SLC6A13: variants seen among roughly 807,000 people sequenced by gnomAD.
SLC6A13 encodes sodium- and chloride-dependent GABA transporter 2.
A neutral mutation model predicts 72.9 loss-of-function variants in SLC6A13; 69 were observed. That is an observed-to-expected ratio of 0.95 (90% CI 0.78 to 1.16). SLC6A13 has a LOEUF of 1.16. SLC6A13 is among the 50% of genes most tolerant of loss of function. SLC6A13 has a pLI of 0.00. For missense variants in SLC6A13, 735 were observed against 760.5 expected (o/e 0.97, Z 0.39); for synonymous variants, 303 against 303.0 (o/e 1.00, Z 0.00).
intron 8 of SLC6A13, 110 bp downstream of exon 8, chr12:227,455 G>T (rs1941508475): frequency 3.9e-6 from 6 of 1,542,510 alleles, no homozygotes; most frequent in Admixed American, 3.9e-5. Context: ...GTGTAGACAG[G>T]GGGGCAGATC....
chr12:229,156 G>A (rs138146640), intron 7 of SLC6A13, among the ~76,000 whole-genome samples: 1 of 152,314 alleles, frequency 6.6e-6, no homozygotes, highest in East Asian at 1.9e-4. Flanking sequence ...GGAGGGGCTG[G>A]AGCCAGGGAG....
intron 2 of SLC6A13, among the ~76,000 whole-genome samples, chr12:246,837 G>A (rs1942367977): frequency 6.6e-6 from 1 of 152,000 alleles, no homozygotes; most frequent in Admixed American, 6.6e-5. Context: ...GTGAAACCCT[G>A]TCTCTACTAA....
Position 237,652 on chromosome 12 carries a change from G to A in SLC6A13, c.563+274C>T, listed in dbSNP as rs117349749. The stretch of plus-strand genomic sequence containing the variant: ...CACACTCTTGCAGCCACAGGGAGGA[G>A]GAAGTGCGGAGTGAGAGCACATATG... On this transcript the variant is annotated intron_variant, in intron 5 of 14. Transcript: ENST00000343164. 2.4e-3 allele frequency among the ~76,000 whole-genome samples: 370 copies of A among 152,268 alleles called. 7 individuals carry two copies. In the East Asian group the frequency reaches 0.057, roughly 23 times the overall value.
intron 2 of SLC6A13, among the ~76,000 whole-genome samples, chr12:257,809 G>A (rs1309957466): frequency 2.0e-5 from 3 of 152,150 alleles, no homozygotes; most frequent in Admixed American, 1.3e-4. Flanking sequence ...TGTCAGCCCA[G>A]TGCTTTGCAT....
Position 224,514 on chromosome 12 carries a change from C to G in SLC6A13, c.1061-1G>C. 6.2e-7 allele frequency: 1 copy of G among 1,613,444 alleles called. No individual in the cohort carries two copies. The highest frequency in any genetic ancestry group is 8.5e-7 in the Non-Finnish European group (1 of 1,179,482). The stretch of plus-strand genomic sequence containing the variant: ...TAAGCGATGAAAGCCAGGCCAGGGC[C>G]TACGACAAGGAGCAGAGGAACACGG... On this transcript the variant is annotated splice_acceptor_variant, in intron 9 of 14. Coordinates refer to ENST00000343164, the MANE Select transcript of SLC6A13 (RefSeq NM_016615.5). LOFTEE classifies it high-confidence loss of function.
rs1461285296 is a variant in SLC6A13, at chr12:222,286, A to C, written c.1515+246T>G. On this transcript the variant is annotated intron_variant, in intron 13 of 14. Coordinates refer to ENST00000343164, the MANE Select transcript of SLC6A13 (RefSeq NM_016615.5). ...GGTTTCAGTCCTGGCCTGTGACGTTAGACTCACACTGTGGTGTTGGTCAAA... is the reference window on the plus strand; with the variant it reads ...GGTTTCAGTCCTGGCCTGTGACGTTCGACTCACACTGTGGTGTTGGTCAAA... 2.6e-5 allele frequency among the ~76,000 whole-genome samples: 4 copies of C among 152,252 alleles called. No individual in the cohort carries two copies. In the East Asian group the frequency reaches 7.7e-4, roughly 29 times the overall value.
chr12:253,083 C>A (rs1353682675), intron 2 of SLC6A13, among the ~76,000 whole-genome samples: 1 of 152,206 alleles, frequency 6.6e-6, no homozygotes, highest in Non-Finnish European at 1.5e-5. Flanking sequence ...TTCACAGTAA[C>A]CTGCACCCCC....
At chr12:249,584 A>G (rs1942468113) in intron 2 of SLC6A13, among the ~76,000 whole-genome samples, 1 of 152,164 alleles carries the variant, frequency 6.6e-6, no homozygotes, top group Non-Finnish European at 1.5e-5. Flanking sequence ...GAATAGCCCT[A>G]TAACTATTAA....
chr12:238,486 G>A (rs1049243859), intron 4 of SLC6A13: 7 of 442,738 alleles, frequency 1.6e-5, no homozygotes, highest in Non-Finnish European at 2.2e-5. Context: ...GTTTTGCTTC[G>A]CTCGTCTCTA....
chr12:251,924 T>C (rs1363928403), intron 2 of SLC6A13, among the ~76,000 whole-genome samples: 1 of 152,154 alleles, frequency 6.6e-6, no homozygotes, highest in Non-Finnish European at 1.5e-5. Context: ...GACTGCACCA[T>C]TGCACTGCAC....
At chr12:255,551 CCGCGCGTGTTGGCG>C (rs1355091395) in intron 2 of SLC6A13, among the ~76,000 whole-genome samples, 2 of 152,206 alleles carry the variant, frequency 1.3e-5, no homozygotes, top group African/African-American at 2.4e-5. Flanking sequence ...CAGAAATTGG[CCGCGCGTGTTGGCG>C]CGCGCCTGTA....
chr12:224,242 C>G, intron 10 of SLC6A13, 113 bp from the exon 11 acceptor site: 1 of 1,457,706 alleles, frequency 6.9e-7, no homozygotes, highest in Non-Finnish European at 9.5e-7. Context: ...TGTCTCAGGT[C>G]CCCTGAGCTA....
At chr12:249,343 C>T (rs919934545) in intron 2 of SLC6A13, among the ~76,000 whole-genome samples, 1 of 151,920 alleles carries the variant, frequency 6.6e-6, no homozygotes, top group Admixed American at 6.6e-5. Context: ...AACAGGAAAG[C>T]AACAGAGAAA....
intron 4 of SLC6A13, among the ~76,000 whole-genome samples, chr12:240,522 A>C (rs1332374142): frequency 6.6e-6 from 1 of 152,230 alleles, no homozygotes; most frequent in Non-Finnish European, 1.5e-5. Context: ...AATAAAACAG[A>C]TCTTTAAACC....
intron 11 of SLC6A13, chr12:223,697 C>T (rs1433386850): frequency 5.1e-6 from 2 of 390,926 alleles, no homozygotes; most frequent in African/African-American, 2.0e-5. Context: ...TGGGAAATCA[C>T]CAGATCTTGC....
chr12:221,297 C>A, intron 14 of SLC6A13, 79 bp downstream of exon 14: 2 of 1,442,088 alleles, frequency 1.4e-6, no homozygotes, highest in Middle Eastern at 2.3e-4. Context: ...CGGTGTGCGC[C>A]CTGGCTGGCA....
At chr12:229,735 G>A (rs944100730) in intron 7 of SLC6A13, among the ~76,000 whole-genome samples, 8 of 152,288 alleles carry the variant, frequency 5.3e-5, no homozygotes, top group South Asian at 2.1e-4. Flanking sequence ...GGTGCGCTGG[G>A]TGCAGACTGG....
chr12:259,826 G>A (rs764145255), intron 2 of SLC6A13, 25 bp downstream of exon 2: 5 of 1,614,164 alleles, frequency 3.1e-6, no homozygotes, highest in Non-Finnish European at 4.2e-6. Context: ...GAGTGGGTGG[G>A]GTGGCACAAG....
intron 2 of SLC6A13, among the ~76,000 whole-genome samples, chr12:256,309 G>T (rs930182900): frequency 6.6e-6 from 1 of 152,114 alleles, no homozygotes; most frequent in African/African-American, 2.4e-5. Flanking sequence ...AATGACACAG[G>T]CTCAGGGCTT....
Sources: gnomAD v4.1 joint callset for allele counts (sites outside exome capture counted in the v4.1 genomes callset) on GRCh38, gnomAD v4.1.1 for gene constraint, MANE v1.5 for transcripts, NCBI Gene and HGNC (gene_info 2026-07-23, HGNC 2026-07-21) for gene names.